LRP1B: variants seen among roughly 807,000 people sequenced by gnomAD.
The protein encoded by LRP1B is low-density lipoprotein receptor-related protein 1B.
LRP1B carries 217 observed loss-of-function variants against 556.6 expected under a neutral mutation model. That is an observed-to-expected ratio of 0.39 (90% CI 0.35 to 0.44). LRP1B has a LOEUF of 0.44. Among genes scored for constraint, LRP1B ranks in the 20% least tolerant of loss-of-function variants. The pLI is 1.00. For missense variants in LRP1B, 5,053 were observed against 5,620.8 expected (o/e 0.90, Z 3.23); for synonymous variants, 2,047 against 1,865.8 (o/e 1.10, Z -2.50).
intron 7 of LRP1B, among the ~76,000 whole-genome samples, chr2:141,160,713 A>T (rs1201473109): frequency 6.6e-6 from 1 of 152,116 alleles, no homozygotes; most frequent in African/African-American, 2.4e-5. Flanking sequence ...AAAAAAATAC[A>T]GTGAAAAAGA....
chr2:141,852,101 C>T (rs536808613), intron 1 of LRP1B, among the ~76,000 whole-genome samples: 4 of 151,726 alleles, frequency 2.6e-5, no homozygotes, highest in East Asian at 3.9e-4. Context: ...CTTTTAAAAA[C>T]GGTGTTCTAG....
At chr2:141,032,955 A>C (rs1481028012) in intron 11 of LRP1B, among the ~76,000 whole-genome samples, 1 of 151,750 alleles carries the variant, frequency 6.6e-6, no homozygotes. Context: ...CATCCCCTAC[A>C]TGGGTGCCCC....
At chr2:140,780,321 T>TA (rs1689654088) in intron 32 of LRP1B, among the ~76,000 whole-genome samples, 1 of 152,162 alleles carries the variant, frequency 6.6e-6, no homozygotes, top group Non-Finnish European at 1.5e-5. Context: ...AATCAAAAAT[T>TA]AACAAGAGGA....
intron 1 of LRP1B, among the ~76,000 whole-genome samples, chr2:141,991,558 A>G (rs1283658432): frequency 6.6e-6 from 1 of 152,058 alleles, no homozygotes; most frequent in East Asian, 1.9e-4. Flanking sequence ...ACTATTTTAC[A>G]TGTAATATAA....
chr2:141,237,511 T>A (rs1281003451), intron 5 of LRP1B, among the ~76,000 whole-genome samples: 1 of 152,128 alleles, frequency 6.6e-6, no homozygotes, highest in African/African-American at 2.4e-5. Flanking sequence ...AAACCTGTGC[T>A]TTTTAATCTT....
intron 7 of LRP1B, among the ~76,000 whole-genome samples, chr2:141,159,432 A>G (rs1460546336): frequency 2.0e-5 from 3 of 152,016 alleles, no homozygotes; most frequent in African/African-American, 4.8e-5. Flanking sequence ...GGGTCTCACT[A>G]TGTTGCCCAG....
chr2:140,897,017 A>G (rs1379404457), intron 23 of LRP1B, among the ~76,000 whole-genome samples: 1 of 152,186 alleles, frequency 6.6e-6, no homozygotes, highest in Non-Finnish European at 1.5e-5. Flanking sequence ...AAAATACAGA[A>G]TAAAGCCTTT....
chr2:141,125,857 A>AAC (rs1553463716), intron 7 of LRP1B, among the ~76,000 whole-genome samples: 8 of 150,476 alleles, frequency 5.3e-5, no homozygotes, highest in South Asian at 2.1e-4. Flanking sequence ...AAAAAAAAAA[A>AAC]AAAACAAAAA....
At chr2:140,762,616 T>A (rs1688965484) in intron 35 of LRP1B, among the ~76,000 whole-genome samples, 1 of 150,932 alleles carries the variant, frequency 6.6e-6, no homozygotes, top group South Asian at 2.1e-4. Flanking sequence ...ACCAATTAGT[T>A]ATTTTTTTCA....
At chr2:141,081,706 A>T (rs371780794) in intron 7 of LRP1B, among the ~76,000 whole-genome samples, 1 of 152,016 alleles carries the variant, frequency 6.6e-6, no homozygotes, top group South Asian at 2.1e-4. Context: ...TAATAGAAAA[A>T]TTAGGCTACA....
At chr2:141,203,581 TG>T (rs140424838) in intron 6 of LRP1B, among the ~76,000 whole-genome samples, 120,358 of 151,838 alleles carry the variant, frequency 0.79, 48,546 homozygotes, top group Non-Finnish European at 0.86. Context: ...CACACAATAA[TG>T]GGGGGGGAGG....
chr2:141,644,007 AGAGTGTGTGTGTGTGTGTGTGTGTGT>A (rs1452383134), intron 2 of LRP1B, among the ~76,000 whole-genome samples: 1 of 142,322 alleles, frequency 7.0e-6, no homozygotes, highest in Non-Finnish European at 1.5e-5. Flanking sequence ...GAGAATGTGG[AGAGTGTGTGTGTGTGTGTGTGTGTGT>A]GTGTGTGTGT....
intron 18 of LRP1B, among the ~76,000 whole-genome samples, chr2:140,974,771 G>A (rs997498105): frequency 3.9e-5 from 6 of 152,174 alleles, no homozygotes; most frequent in African/African-American, 1.2e-4. Context: ...GAGAGAAACC[G>A]ATATTTGGAA....
chr2:140,741,317 C>G (rs1688129822), intron 35 of LRP1B, among the ~76,000 whole-genome samples: 1 of 152,062 alleles, frequency 6.6e-6, no homozygotes, highest in African/African-American at 2.4e-5. Flanking sequence ...AAGGGAAACA[C>G]ATGATCAATC....
intron 4 of LRP1B, among the ~76,000 whole-genome samples, chr2:141,250,566 C>G (rs1433007532): frequency 6.6e-6 from 1 of 152,128 alleles, no homozygotes; most frequent in African/African-American, 2.4e-5. Flanking sequence ...AACTAACAAA[C>G]ATAAGGAAAA....
At chr2:140,575,643 G>C (rs1035194456) in intron 43 of LRP1B, among the ~76,000 whole-genome samples, 8 of 152,098 alleles carry the variant, frequency 5.3e-5, no homozygotes, top group African/African-American at 1.9e-4. Context: ...AAAGAATCAG[G>C]CTGGGCGCTG....
intron 7 of LRP1B, among the ~76,000 whole-genome samples, chr2:141,102,337 A>T (rs10048677): frequency 6.6e-6 from 1 of 151,894 alleles, no homozygotes; most frequent in African/African-American, 2.4e-5. Context: ...TTTATATTGT[A>T]CAGGTCATAC....
intron 17 of LRP1B, among the ~76,000 whole-genome samples, chr2:140,985,639 G>T (rs1696897864): frequency 6.6e-6 from 1 of 151,850 alleles, no homozygotes; most frequent in African/African-American, 2.4e-5. Context: ...ACTTGCTCCA[G>T]CCCACTGTGT....
chr2:141,080,418 T>C (rs1425101001), intron 7 of LRP1B, among the ~76,000 whole-genome samples: 2 of 152,204 alleles, frequency 1.3e-5, no homozygotes, highest in Admixed American at 1.3e-4. Flanking sequence ...AGCCTATCTT[T>C]AGCTCCTTAA....
Sources: gnomAD v4.1 joint callset for allele counts (sites outside exome capture counted in the v4.1 genomes callset) on GRCh38, gnomAD v4.1.1 for gene constraint, MANE v1.5 for transcripts, NCBI Gene and HGNC (gene_info 2026-07-23, HGNC 2026-07-21) for gene names.